Variants in UNC79 observed in about 807,000 individuals in gnomAD.
The protein encoded by UNC79 is protein unc-79 homolog.
Under a neutral mutation model 283.1 loss-of-function variants are expected in UNC79, and 37 were observed. The ratio of observed to expected loss-of-function variants is 0.13; its 90% CI spans 0.10 to 0.17. UNC79 has a LOEUF of 0.17. Among genes scored for constraint, UNC79 ranks in the 10% least tolerant of loss-of-function variants. UNC79 has a pLI of 1.00. For synonymous variants in UNC79, 1,107 were observed against 1,200.2 expected, an observed-to-expected ratio of 0.92 and a Z score of 1.61; for missense variants, 2,272 against 3,211.1, an observed-to-expected ratio of 0.71 and a Z score of 7.07.
At chr14:93,598,424 C>G (rs1327033905) in intron 24 of UNC79, among the ~76,000 whole-genome samples, 4 of 148,428 alleles carry the variant, frequency 2.7e-5, no homozygotes, top group Admixed American at 6.7e-5. Flanking sequence ...GATTTTAAAA[C>G]TAGGTTGGTT....
chr14:93,639,133 G>C (rs1426628747), intron 32 of UNC79, among the ~76,000 whole-genome samples: 1 of 152,130 alleles, frequency 6.6e-6, no homozygotes, highest in African/African-American at 2.4e-5. Flanking sequence ...CTTTAATTGT[G>C]ATTACTATAT....
Position 93,528,654 on chromosome 14 carries a change from T to G in UNC79, c.1052+8T>G. 1 of 1,612,012 alleles carries G rather than the reference T, an allele frequency of 6.2e-7. No homozygotes were observed. On this transcript the variant is annotated splice_region_variant and intron_variant, in intron 9 of 48. Transcript: ENST00000555664. The stretch of plus-strand genomic sequence containing the variant: ...CAGCGAGAGGATTGCAGGGTAGGTA[T>G]AAGAGTTCTTAAAGAAAAGGAAATA...
At chr14:93,671,093 T>C (rs2072803001) in intron 40 of UNC79, among the ~76,000 whole-genome samples, 1 of 152,236 alleles carries the variant, frequency 6.6e-6, no homozygotes, top group African/African-American at 2.4e-5. Context: ...TACAATAATA[T>C]ATTGTTAAGC....
rs374830206 is a variant in UNC79, at chr14:93,643,712, C to T, written c.6044+15C>T. The T allele has an allele frequency of 4.3e-6, 7 of 1,611,398 alleles. No individual in the cohort carries two copies. The African/African-American group carries it at 9.4e-5, about 22-fold the overall frequency. ...TCTGTGGGAAGGTGAATGTCAGCTT[C>T]TGTTTTGTTTGGTAGGAAGGTCCTT... On this transcript the variant is annotated intron_variant, in intron 34 of 48. Transcript: ENST00000555664.
chr14:93,666,860 G>T (rs2072258491), intron 40 of UNC79, among the ~76,000 whole-genome samples: 1 of 152,032 alleles, frequency 6.6e-6, no homozygotes, highest in Non-Finnish European at 1.5e-5. Context: ...AAGAAAGGAA[G>T]CAGTAAAGAT....
At position 93,630,943 on chromosome 14, in the gene UNC79, A is replaced by G. The variant is rs537526783; in HGVS notation, c.5716+35A>G. The G allele has an allele frequency of 6.0e-4, 936 of 1,569,204 alleles. 1 individual carries two copies. Among genetic ancestry groups the G allele is most frequent in the Non-Finnish European group, 7.8e-4 (892 of 1,139,828 alleles). The stretch of plus-strand genomic sequence containing the variant: ...CCTCTGCTGATTATTTCATCTATGC[A>G]TTTATTTTGGAACACTGTCTGCTGC... On this transcript the variant is annotated intron_variant, in intron 31 of 48. Transcript: ENST00000555664.
intron 1 of UNC79, among the ~76,000 whole-genome samples, chr14:93,382,334 T>C (rs1371908826): frequency 6.6e-6 from 1 of 152,092 alleles, no homozygotes; most frequent in African/African-American, 2.4e-5. Context: ...TAAGAGTATG[T>C]GGTAGACAAA....
chr14:93,616,366 CTT>C (rs71463917), intron 27 of UNC79, among the ~76,000 whole-genome samples: 183 of 96,230 alleles, frequency 1.9e-3, no homozygotes, highest in Non-Finnish European at 2.1e-3. Context: ...TTCTTTTTTC[CTT>C]TTTTTTTTTT....
At chr14:93,364,511 A>T (rs2054289903) in intron 1 of UNC79, among the ~76,000 whole-genome samples, 1 of 150,854 alleles carries the variant, frequency 6.6e-6, no homozygotes, top group South Asian at 2.1e-4. Context: ...AACATAGCTC[A>T]GTAGTCACAG....
intron 34 of UNC79, 63 bp from the exon 38 acceptor site, chr14:93,646,545 A>G: frequency 6.5e-7 from 1 of 1,531,260 alleles, no homozygotes; most frequent in Non-Finnish European, 9.0e-7. Context: ...CTCCCACAAT[A>G]TTAATGCATT....
Position 93,617,338 on chromosome 14 carries a change from A to C in UNC79, c.4224+34A>C. The C allele has an allele frequency of 6.2e-7, 1 of 1,609,328 alleles. No individual in the cohort carries two copies. The highest frequency in any genetic ancestry group is 8.5e-7 in the Non-Finnish European group (1 of 1,177,166). ...GGTGGTCACTGCTGTTTTGGATGCA[A>C]TGGTTCTCTTAGAGAGCATATAGCA... On this transcript the variant is annotated intron_variant, in intron 28 of 48. Coordinates refer to ENST00000555664, the Ensembl canonical transcript of UNC79. This position sits in a 1 kb window ranked among gnomAD's most constrained non-coding sequence, Gnocchi z 4.5.
rs80188163 is a variant in UNC79, at chr14:93,373,477, A to G, written c.-351+39954A>G. Among the ~76,000 whole-genome samples, 93 of 152,304 alleles carry G rather than the reference A, an allele frequency of 6.1e-4. 2 individuals carry two copies. The East Asian group carries it at 0.012, about 20-fold the overall frequency. On this transcript the variant is annotated intron_variant, in intron 1 of 49. Transcript: ENST00000256339. ...AAAAGGGAACATCACTACAGATCTTATGGACATTAAAAGGATAATAAAGGA... is the reference window on the plus strand; with the variant it reads ...AAAAGGGAACATCACTACAGATCTTGTGGACATTAAAAGGATAATAAAGGA...
At chr14:93,567,592 A>G (rs1026294228) in intron 14 of UNC79, among the ~76,000 whole-genome samples, 4 of 152,154 alleles carry the variant, frequency 2.6e-5, no homozygotes, top group Non-Finnish European at 5.9e-5. Context: ...CCACGTGGCT[A>G]TGCTGGAGTC....
chr14:93,333,450 T>C, exon 1 of UNC79: 1 of 398,584 alleles, frequency 2.5e-6, no homozygotes, highest in Non-Finnish European at 4.4e-6. Flanking sequence ...CGAGAACAAC[T>C]CTTCCGCGGA....
chr14:93,565,418 A>G (rs2062817321), intron 14 of UNC79, among the ~76,000 whole-genome samples: 1 of 152,188 alleles, frequency 6.6e-6, no homozygotes, highest in Non-Finnish European at 1.5e-5. Context: ...AAGCTAGTAA[A>G]CTTCCATTCT....
intron 14 of UNC79, among the ~76,000 whole-genome samples, chr14:93,558,593 A>ATTTTTTTTTTTTTTTTTTTTTTTTT (rs71129647): frequency 1.6e-5 from 1 of 62,764 alleles, no homozygotes; most frequent in African/African-American, 7.4e-5. Flanking sequence ...AGAAACAGGG[A>ATTTTTTTTTTTTTTTTTTTTTTTTT]TTTTTTTTTT....
At chr14:93,618,347 A>G (rs1216114548) in exon 29 of UNC79, 3 of 1,610,344 alleles carry the variant, frequency 1.9e-6, no homozygotes, top group Non-Finnish European at 2.5e-6. Flanking sequence ...ACAGCGAAAA[A>G]GAAAAAGGTA....
At chr14:93,347,195 G>C in intron 1 of UNC79, 3 of 1,496,966 alleles carry the variant, frequency 2.0e-6, no homozygotes, top group Non-Finnish European at 1.8e-6. Flanking sequence ...TGCCTCACGA[G>C]CACTGGAGCT....
intron 14 of UNC79, among the ~76,000 whole-genome samples, chr14:93,561,670 G>A (rs547961508): frequency 1.3e-5 from 2 of 152,274 alleles, no homozygotes; most frequent in South Asian, 2.1e-4. Context: ...ATAAGATTGA[G>A]TATAAAAATA....
Sources: allele counts gnomAD v4.1 joint callset (sites outside exome capture counted in the v4.1 genomes callset), GRCh38; gene constraint gnomAD v4.1.1; non-coding constraint Gnocchi (gnomAD v3.1); transcripts MANE v1.5; gene names NCBI Gene and HGNC (gene_info 2026-07-23, HGNC 2026-07-21).